INIP: variants seen among roughly 807,000 people sequenced by gnomAD.
The protein encoded by INIP is INTS3 and NABP interacting protein.
INIP carries 9 observed loss-of-function variants against 14.0 expected under a neutral mutation model. The ratio of observed to expected loss-of-function variants is 0.64; its 90% CI spans 0.39 to 1.12. INIP has a LOEUF of 1.12. Among genes scored for constraint, INIP ranks in the 50% most tolerant of loss-of-function variants. The pLI, the probability that INIP is intolerant of heterozygous loss-of-function variation, is 0.01. For missense variants in INIP, 78 were observed against 122.7 expected, an observed-to-expected ratio of 0.64 and a Z score of 1.72; for synonymous variants, 37 against 41.5, an observed-to-expected ratio of 0.89 and a Z score of 0.41.
At chr9:112,702,892 G>A (rs1441575742) in intron 2 of INIP, among the ~76,000 whole-genome samples, 1 of 152,082 alleles carries the variant, frequency 6.6e-6, no homozygotes, top group Non-Finnish European at 1.5e-5. Context: ...AGAGTATGAT[G>A]TAAATATAAT....
At chr9:112,717,916 G>C (rs1838880529) in intron 1 of INIP, 71 bp downstream of exon 1, 1 of 152,698 alleles carries the variant, frequency 6.5e-6, no homozygotes. Context: ...TAGCAACAAA[G>C]ACGGCGGCGA....
intron 2 of INIP, among the ~76,000 whole-genome samples, chr9:112,702,785 G>A (rs1205922269): frequency 5.3e-5 from 8 of 152,078 alleles, no homozygotes; most frequent in African/African-American, 1.9e-4. Flanking sequence ...GGATGGTCTT[G>A]ATCTCTTGAC....
At position 112,718,007 on chromosome 9, in the gene INIP, G is replaced by C. The variant is rs564100948; in HGVS notation, c.-77C>G. On this transcript the variant is annotated 5_prime_UTR_variant, in exon 1 of 5. Coordinates refer to ENST00000374242, the MANE Select transcript of INIP (RefSeq NM_021218.3). ...CTTACCTGGGACCCGAGGACACCGG[G>C]ACCGCCTCTCCTTACAATCGCTGCT... 1.5e-4 allele frequency: 23 copies of C among 152,806 alleles called. No homozygotes were observed. The highest frequency in any genetic ancestry group is 5.3e-4 in the African/African-American group (22 of 41,582). The allele number at this position is 152,806 out of a possible 1,614,324, so 9.5% of individuals were successfully genotyped here. A position where few individuals can be genotyped will look rare whatever the true frequency, so the allele number is the denominator to read the frequency against.
chr9:112,707,296 C>T, intron 2 of INIP, among the ~76,000 whole-genome samples: 1 of 142,622 alleles, frequency 7.0e-6, no homozygotes. Flanking sequence ...TATAACTAAC[C>T]TTTTTAAAAA....
chr9:112,709,551 A>T (rs1838585993), intron 2 of INIP, among the ~76,000 whole-genome samples: 1 of 152,232 alleles, frequency 6.6e-6, no homozygotes, highest in Admixed American at 6.5e-5. Context: ...AAATATAAGT[A>T]AAAGACCTAG....
intron 2 of INIP, among the ~76,000 whole-genome samples, chr9:112,700,922 A>C (rs1838275674): frequency 6.6e-6 from 1 of 152,070 alleles, no homozygotes; most frequent in South Asian, 2.1e-4. Context: ...CTGCATTCCA[A>C]CCTGCGCAAA....
chr9:112,685,873 T>G lies in INIP; in HGVS notation c.*1665A>C, dbSNP rs1225696523. On this transcript the variant is annotated 3_prime_UTR_variant, in exon 5 of 5. Coordinates refer to ENST00000374242, the MANE Select transcript of INIP (RefSeq NM_021218.3). ...TGGTGACCATTACAATGGGGACAGT[T>G]GCCACCTCATCAAAATGAAGGAAAT... The G allele has an allele frequency of 6.6e-6, 1 of 152,164 alleles. No homozygotes were observed. Among genetic ancestry groups the G allele is most frequent in the Non-Finnish European group, 1.5e-5 (1 of 68,042 alleles). The allele number at this position is 152,164 out of a possible 1,614,324, so 9.4% of individuals were successfully genotyped here.
chr9:112,710,555 A>G (rs1838616349), intron 2 of INIP, among the ~76,000 whole-genome samples: 1 of 152,180 alleles, frequency 6.6e-6, no homozygotes. Flanking sequence ...AATGTTCTAC[A>G]CTACATTGGA....
rs570167898 is a variant in INIP at position 112,684,783 on chromosome 9, G to A, written c.*2755C>T. 4.6e-5 allele frequency: 7 copies of A among 152,302 alleles called. No individual in the cohort carries two copies. Among genetic ancestry groups the A allele is most frequent in the Non-Finnish European group, 1.0e-4 (7 of 68,022 alleles). The allele number at this position is 152,302 out of a possible 1,614,324, so 9.4% of individuals were successfully genotyped here. ...GTCTAGACAATTTCTGACATGGGCA[G>A]AGCATGTGCTTGTTCTCACCTTATG... On this transcript the variant is annotated 3_prime_UTR_variant, in exon 5 of 5. Transcript: ENST00000374242.
rs377334816 is a variant in INIP at position 112,694,073 on chromosome 9, T to TCAAAA, written c.128+53_128+57dup. On this transcript the variant is annotated intron_variant, in intron 3 of 4. Coordinates refer to ENST00000374242, the MANE Select transcript of INIP (RefSeq NM_021218.3). ...CTGGGGGACAGGGCGAGACTCCGTC[T>TCAAAA]CAAAACAAAACAAAACAAAACAAAA... 307 of 1,223,454 alleles carry TCAAAA rather than the reference T, an allele frequency of 2.5e-4. 1 individual carries two copies. Among genetic ancestry groups the TCAAAA allele is most frequent in the African/African-American group, 8.6e-4 (56 of 65,242 alleles). The allele number at this position is 1,223,454 out of a possible 1,614,324, so 75.8% of individuals were successfully genotyped here. A position where few individuals can be genotyped will look rare whatever the true frequency, so the allele number is the denominator to read the frequency against.
At chr9:112,700,809 A>G (rs112556813) in intron 2 of INIP, among the ~76,000 whole-genome samples, 3,333 of 151,876 alleles carry the variant, frequency 0.022, 114 homozygotes, top group African/African-American at 0.074. Context: ...CCCTGTTTCC[A>G]TGGAAATCAA....
At position 112,687,953 on chromosome 9, in the gene INIP, G is replaced by A. The variant is rs1047251918; in HGVS notation, c.220-320C>T. ...ACAAAAAAGTTAGCCAGGCGTGGTG[G>A]CGGGTGCCTGTAGTCCCAGCTACTC... is the stretch of plus-strand genomic sequence containing the variant. On this transcript the variant is annotated intron_variant, in intron 4 of 4. Coordinates refer to ENST00000374242, the MANE Select transcript of INIP (RefSeq NM_021218.3). Among the ~76,000 whole-genome samples, 7 of 152,194 alleles carry A rather than the reference G, an allele frequency of 4.6e-5. No homozygotes were observed. The East Asian group carries it at 9.7e-4, about 21-fold the overall frequency.
intron 2 of INIP, among the ~76,000 whole-genome samples, chr9:112,697,095 C>T (rs1838122028): frequency 6.6e-6 from 1 of 152,162 alleles, no homozygotes; most frequent in African/African-American, 2.4e-5. Flanking sequence ...GGGTTGGTTT[C>T]CCTGGCAACC....
At chr9:112,687,963 G>A (rs1159859380) in intron 4 of INIP, among the ~76,000 whole-genome samples, 1 of 152,118 alleles carries the variant, frequency 6.6e-6, no homozygotes, top group Non-Finnish European at 1.5e-5. Flanking sequence ...GCGGGTGCCT[G>A]TAGTCCCAGC....
chr9:112,712,039 G>A (rs1435166083), intron 2 of INIP, among the ~76,000 whole-genome samples: 1 of 152,190 alleles, frequency 6.6e-6, no homozygotes, highest in Non-Finnish European at 1.5e-5. Context: ...TTTGCCTGAA[G>A]CATTCCCCAA....
At chr9:112,695,255 G>GAAAAAAA (rs60657759) in intron 2 of INIP, among the ~76,000 whole-genome samples, 17 of 64,674 alleles carry the variant, frequency 2.6e-4, no homozygotes, top group Non-Finnish European at 3.6e-4. Context: ...CAGAACTACA[G>GAAAAAAA]AAAAAAAAAA....
At chr9:112,715,034 G>A (rs1167006794) in intron 2 of INIP, among the ~76,000 whole-genome samples, 1 of 151,822 alleles carries the variant, frequency 6.6e-6, no homozygotes, top group Non-Finnish European at 1.5e-5. Flanking sequence ...ATATGGTTTA[G>A]GGAACACTTA....
chr9:112,689,414 T>G (rs1413979819), intron 4 of INIP, 113 bp downstream of exon 4: 1 of 809,532 alleles, frequency 1.2e-6, no homozygotes, highest in Non-Finnish European at 2.1e-6. Flanking sequence ...ATTGCAATTA[T>G]GTGTGGAACA....
intron 2 of INIP, among the ~76,000 whole-genome samples, chr9:112,705,600 C>G (rs1224123389): frequency 6.6e-6 from 1 of 152,180 alleles, no homozygotes; most frequent in African/African-American, 2.4e-5. Flanking sequence ...CATAAGCCAC[C>G]ACACCCAGCC....
Sources: allele counts gnomAD v4.1 joint callset (sites outside exome capture counted in the v4.1 genomes callset), GRCh38; gene constraint gnomAD v4.1.1; transcripts MANE v1.5; gene names NCBI Gene and HGNC (gene_info 2026-07-23, HGNC 2026-07-21).